Variants in IFT74 observed in about 807,000 individuals in gnomAD.
IFT74 encodes the protein intraflagellar transport 74.
In IFT74, 92 loss-of-function variants were observed where a neutral mutation model predicts 96.7. That is an observed-to-expected ratio of 0.95 (90% CI 0.80 to 1.13). The LOEUF (loss-of-function observed/expected upper bound fraction) is 1.13, where lower values mean the gene tolerates loss of function less well. IFT74 is among the 50% of genes most tolerant of loss of function. The probability of loss-of-function intolerance (pLI) is 0.00; values close to 1 mark genes in which losing one functional copy is unlikely to be tolerated. For missense variants in IFT74, 811 were observed against 698.2 expected (o/e 1.16, Z -1.82); for synonymous variants, 223 against 213.2 (o/e 1.05, Z -0.40).
upstream of IFT74, among the ~76,000 whole-genome samples, chr9:26,953,522 T>G (rs1825996099): frequency 6.6e-6 from 1 of 152,256 alleles, no homozygotes; most frequent in Admixed American, 6.5e-5. Flanking sequence ...TATAGCCATC[T>G]TCTTTCAATA....
At chr9:26,956,904 C>G (rs1160789137) in intron 1 of IFT74, among the ~76,000 whole-genome samples, 3 of 152,332 alleles carry the variant, frequency 2.0e-5, no homozygotes, top group African/African-American at 7.2e-5. Context: ...GAATGGTTGG[C>G]TTAGGGAGGA....
chr9:27,012,442 T>G (rs1267213188), intron 10 of IFT74, among the ~76,000 whole-genome samples: 2 of 151,900 alleles, frequency 1.3e-5, no homozygotes, highest in Non-Finnish European at 1.5e-5. Context: ...GATGTACAGC[T>G]CCTGGCCTCA....
chr9:27,058,059 G>A (rs1820247928), intron 18 of IFT74, among the ~76,000 whole-genome samples: 1 of 150,742 alleles, frequency 6.6e-6, no homozygotes, highest in Admixed American at 6.6e-5. Flanking sequence ...TATTCATACA[G>A]TCTTTCAACA....
At chr9:26,988,611 G>C in intron 6 of IFT74, 58 bp from the exon 7 acceptor site, 5 of 1,407,326 alleles carry the variant, frequency 3.6e-6, no homozygotes, top group Non-Finnish European at 4.8e-6. Context: ...ATTAATTATA[G>C]AGAACATGTG....
At chr9:27,030,254 A>G (rs1439202372) in intron 13 of IFT74, among the ~76,000 whole-genome samples, 1 of 152,106 alleles carries the variant, frequency 6.6e-6, no homozygotes, top group Non-Finnish European at 1.5e-5. Context: ...TATTCTTGTT[A>G]TGGCTAAGGA....
intron 13 of IFT74, among the ~76,000 whole-genome samples, chr9:27,042,833 C>G (rs775208107): frequency 3.0e-4 from 45 of 152,108 alleles, no homozygotes; most frequent in Non-Finnish European, 5.6e-4. Flanking sequence ...TTCACATGGG[C>G]AATGATATTT....
chr9:26,981,320 C>A (rs961320138), intron 4 of IFT74, among the ~76,000 whole-genome samples: 14 of 150,984 alleles, frequency 9.3e-5, no homozygotes, highest in Admixed American at 6.6e-4. Context: ...GATCACAGCT[C>A]ACTGCAACCT....
At chr9:27,043,718 C>T (rs1051049500) in intron 13 of IFT74, among the ~76,000 whole-genome samples, 3 of 152,194 alleles carry the variant, frequency 2.0e-5, no homozygotes, top group African/African-American at 4.8e-5. Flanking sequence ...CTCAGATGCC[C>T]AAGCCAGAAG....
At chr9:27,060,155 A>C (rs1820351468) in intron 18 of IFT74, among the ~76,000 whole-genome samples, 1 of 152,174 alleles carries the variant, frequency 6.6e-6, no homozygotes, top group African/African-American at 2.4e-5. Context: ...TTACACAGGA[A>C]ATTTAGCCCT....
At chr9:27,018,237 G>A (rs1370356044) in intron 11 of IFT74, among the ~76,000 whole-genome samples, 4 of 152,004 alleles carry the variant, frequency 2.6e-5, no homozygotes, top group Non-Finnish European at 4.4e-5. Context: ...AATATTACAT[G>A]GTACATATAT....
At chr9:26,957,810 T>C (rs1272620447) in intron 1 of IFT74, among the ~76,000 whole-genome samples, 1 of 152,180 alleles carries the variant, frequency 6.6e-6, no homozygotes, top group Non-Finnish European at 1.5e-5. Flanking sequence ...TTTTTTTTTT[T>C]TGAGACGGAG....
At chr9:26,993,135 A>G (rs1014291631) in intron 8 of IFT74, 3 of 152,118 alleles carry the variant, frequency 2.0e-5, no homozygotes, top group Admixed American at 2.0e-4. Context: ...TTTTATACCC[A>G]TTTATTTTTC....
chr9:26,972,791 T>C (rs754726951), intron 2 of IFT74, among the ~76,000 whole-genome samples: 1 of 152,182 alleles, frequency 6.6e-6, no homozygotes, highest in Non-Finnish European at 1.5e-5. Flanking sequence ...CCTGCACTTA[T>C]TAGGTGGCTT....
Position 27,064,158 on chromosome 9 carries a change from A to T in IFT74, c.*1422A>T, listed in dbSNP as rs1820538315. 6.6e-6 allele frequency among the ~76,000 whole-genome samples: 1 copy of T among 152,130 alleles called. No homozygotes were observed. Among genetic ancestry groups the T allele is most frequent in the Non-Finnish European group, 1.5e-5 (1 of 67,966 alleles). The stretch of plus-strand genomic sequence containing the variant: ...ACTTTCACAGAGCCTAGGTCACATG[A>T]GATGTGTCATTCCAAGAAATAGACT... On this transcript the variant is annotated 3_prime_UTR_variant, in exon 20 of 20. Coordinates refer to ENST00000380062, the MANE Select transcript of IFT74 (RefSeq NM_025103.4).
At chr9:26,984,399 T>A (rs1165219404) in intron 5 of IFT74, 44 bp downstream of exon 5, 1 of 1,576,422 alleles carries the variant, frequency 6.3e-7, no homozygotes. Context: ...TTTGTGCTTA[T>A]AATACTAACT....
intron 1 of IFT74, 91 bp from the exon 2 acceptor site, chr9:26,961,858 T>G: frequency 1.5e-6 from 2 of 1,366,352 alleles, no homozygotes; most frequent in Non-Finnish European, 2.0e-6. Context: ...CAAGAACAAT[T>G]GTTGTGAATT....
At chr9:26,999,767 ATTC>A (rs1310407591) in intron 8 of IFT74, 39 of 458,056 alleles carry the variant, frequency 8.5e-5, no homozygotes, top group Non-Finnish European at 1.3e-4. Flanking sequence ...GAATCTGTTT[ATTC>A]TTTTTTTTTT....
In IFT74 at chr9:27,062,914, G is replaced by T. The variant is rs1232129999; in HGVS notation, c.*178G>T. 8.1e-6 allele frequency: 4 copies of T among 493,980 alleles called. No individual in the cohort carries two copies. The highest frequency in any genetic ancestry group is 4.1e-5 in the African/African-American group (2 of 48,890). The allele number at this position is 493,980 out of a possible 1,614,324, so 30.6% of individuals were successfully genotyped here. A position where few individuals can be genotyped will look rare whatever the true frequency, so the allele number is the denominator to read the frequency against. ...TAAAATAGTAAATAGTTCAATAAAT[G>T]GTTTGCATATTAAAAAGTACCATCT... is the stretch of plus-strand genomic sequence containing the variant. On this transcript the variant is annotated 3_prime_UTR_variant, in exon 20 of 20. Coordinates refer to ENST00000380062, the MANE Select transcript of IFT74 (RefSeq NM_025103.4).
intron 1 of IFT74, among the ~76,000 whole-genome samples, chr9:26,956,805 T>C (rs1394366014): frequency 6.6e-6 from 1 of 152,218 alleles, no homozygotes; most frequent in Non-Finnish European, 1.5e-5. Context: ...AAGCAATACA[T>C]TTCTGCCTCT....
Sources: allele counts gnomAD v4.1 joint callset (sites outside exome capture counted in the v4.1 genomes callset), GRCh38; gene constraint gnomAD v4.1.1; transcripts MANE v1.5; gene names NCBI Gene and HGNC (gene_info 2026-07-23, HGNC 2026-07-21).